EYS: variants seen among roughly 807,000 people sequenced by gnomAD.
EYS encodes EGF-like photoreceptor maintenance factor.
EYS carries 250 observed loss-of-function variants against 282.1 expected under a neutral mutation model. That is an observed-to-expected ratio of 0.89 (90% CI 0.80 to 0.98). EYS has a LOEUF of 0.98. Ranked by LOEUF, EYS falls within the 50% of genes least tolerant of loss-of-function variation. The pLI is 0.00. For missense variants in EYS, 4,016 were observed against 3,709.0 expected, an observed-to-expected ratio of 1.08 and a Z score of -2.15; for synonymous variants, 1,355 against 1,282.9, an observed-to-expected ratio of 1.06 and a Z score of -1.20.
intron 1 of EYS, among the ~76,000 whole-genome samples, chr6:65,649,552 G>C (rs1767579806): frequency 6.6e-6 from 1 of 152,158 alleles, no homozygotes; most frequent in African/African-American, 2.4e-5. Context: ...TTTGATGCCA[G>C]AAACGAGGAT....
chr6:65,508,617 C>T (rs1766747487), intron 2 of EYS, among the ~76,000 whole-genome samples: 1 of 147,446 alleles, frequency 6.8e-6, no homozygotes, highest in South Asian at 2.1e-4. Context: ...GAGCCGAGAT[C>T]ACGCCACTGC....
At chr6:65,688,739 A>T (rs1769124677) in intron 1 of EYS, among the ~76,000 whole-genome samples, 1 of 152,176 alleles carries the variant, frequency 6.6e-6, no homozygotes, top group Admixed American at 6.5e-5. Flanking sequence ...TTCTCAAAAG[A>T]AGACATTTAA....
In EYS at chr6:65,495,155, C is replaced by T. The variant is rs768578089; in HGVS notation, c.256G>A (p.Asp86Asn). Residue 86 changes from aspartate (D) to asparagine (N), a missense_variant, in exon 4 of 43, where the codon GAT (aspartate) becomes AAT (asparagine). Physicochemically the swap from Asp to Asn is conservative, Grantham distance 23. Coordinates refer to ENST00000503581, the MANE Select transcript of EYS (RefSeq NM_001142800.2). ...GGTTCAGAAGAAATTACAAGGATAT[C>T]TCCTAATTGAATTTGCAAAGGGCAA... ...QICPLQIQLG[D>N]ILVISSEPSL... 6.2e-7 allele frequency: 1 copy of T among 1,614,000 alleles called. No homozygotes were observed.
intron 35 of EYS, among the ~76,000 whole-genome samples, chr6:63,919,895 A>G (rs1368745851): frequency 1.3e-5 from 2 of 152,238 alleles, no homozygotes; most frequent in South Asian, 2.1e-4. Flanking sequence ...CCCATGAAAC[A>G]TGTGGTTAAT....
Position 64,289,529 on chromosome 6 carries a change from G to A in EYS, c.6191+17441C>T, listed in dbSNP as rs568253984. ...CTTGAACGGTATTTCAGATTCTAAC[G>A]GAGGAAGACCAGGTATAGTGGTACA... On this transcript the variant is annotated intron_variant, in intron 30 of 42. Transcript: ENST00000503581. Among the ~76,000 whole-genome samples, 7 of 152,046 alleles carry A rather than the reference G, an allele frequency of 4.6e-5. No homozygotes were observed. The South Asian group carries it at 1.0e-3, about 23-fold the overall frequency.
At chr6:64,502,708 T>A (rs1186180205) in intron 26 of EYS, among the ~76,000 whole-genome samples, 1 of 152,140 alleles carries the variant, frequency 6.6e-6, no homozygotes, top group Non-Finnish European at 1.5e-5. Flanking sequence ...GTTTTTTTTT[T>A]AATCTTGTGC....
At chr6:64,961,179 T>C (rs895267672) in intron 14 of EYS, among the ~76,000 whole-genome samples, 1 of 152,088 alleles carries the variant, frequency 6.6e-6, no homozygotes, top group South Asian at 2.1e-4. Context: ...AGGAATGGGA[T>C]TGCAGGGTTG....
intron 2 of EYS, among the ~76,000 whole-genome samples, chr6:65,581,788 TA>T (rs201749485): frequency 2.6e-5 from 4 of 151,918 alleles, no homozygotes; most frequent in African/African-American, 9.7e-5. Flanking sequence ...TCTGTAAAAA[TA>T]AAAAAATTAG....
intron 26 of EYS, among the ~76,000 whole-genome samples, chr6:64,573,149 A>T (rs1765776350): frequency 6.6e-6 from 1 of 152,156 alleles, no homozygotes; most frequent in Non-Finnish European, 1.5e-5. Context: ...TCTTTGACAA[A>T]CCTGGCAAAA....
intron 37 of EYS, among the ~76,000 whole-genome samples, chr6:63,803,347 T>C (rs550120951): frequency 1.3e-5 from 2 of 152,230 alleles, no homozygotes; most frequent in South Asian, 4.1e-4. Context: ...TTATTTCCCT[T>C]CCTGCGCTAT....
At chr6:64,922,905 A>T (rs1219647705) in intron 15 of EYS, among the ~76,000 whole-genome samples, 1 of 152,124 alleles carries the variant, frequency 6.6e-6, no homozygotes, top group Non-Finnish European at 1.5e-5. Context: ...ACCTACTTTG[A>T]ATTCTTTATC....
chr6:65,154,969 G>C (rs578133770), intron 12 of EYS, among the ~76,000 whole-genome samples: 1 of 151,518 alleles, frequency 6.6e-6, no homozygotes, highest in African/African-American at 2.4e-5. Context: ...AATGCCATAA[G>C]TTAATTGACA....
Position 65,466,283 on chromosome 6 carries a change from T to G in EYS, c.862+24311A>C, listed in dbSNP as rs1021344684. 2.9e-4 allele frequency among the ~76,000 whole-genome samples: 44 copies of G among 152,182 alleles called. 1 individual carries two copies. The highest frequency in any genetic ancestry group is 1.0e-3 in the African/African-American group (42 of 41,552). ...TTGAAGAATTTTGTATATACTGTTT[T>G]TATTAAGGGATTCAGTTAAAGAGAT... On this transcript the variant is annotated intron_variant, in intron 5 of 42. Coordinates refer to ENST00000503581, the MANE Select transcript of EYS (RefSeq NM_001142800.2).
At chr6:65,219,543 A>C (rs1044030390) in intron 12 of EYS, among the ~76,000 whole-genome samples, 6 of 152,032 alleles carry the variant, frequency 3.9e-5, no homozygotes, top group African/African-American at 7.3e-5. Flanking sequence ...AGTATTAAGA[A>C]ATATACCATG....
intron 19 of EYS, among the ~76,000 whole-genome samples, chr6:64,842,214 C>A (rs1765583061): frequency 6.6e-6 from 1 of 151,334 alleles, no homozygotes; most frequent in Non-Finnish European, 1.5e-5. Context: ...AGGTCTGGAA[C>A]AACTTTTCCT....
intron 35 of EYS, among the ~76,000 whole-genome samples, chr6:63,940,359 C>T (rs1379009094): frequency 6.6e-6 from 1 of 152,026 alleles, no homozygotes; most frequent in African/African-American, 2.4e-5. Flanking sequence ...GTTGCTGCAG[C>T]TAGGCCAGCG....
intron 22 of EYS, among the ~76,000 whole-genome samples, chr6:64,640,805 G>T (rs1026901490): frequency 6.6e-6 from 1 of 152,024 alleles, no homozygotes; most frequent in Non-Finnish European, 1.5e-5. Context: ...AACAAAAATA[G>T]CTTTGTATTC....
At chr6:63,733,829 G>C (rs758421177) in intron 41 of EYS, among the ~76,000 whole-genome samples, 28 of 152,074 alleles carry the variant, frequency 1.8e-4, no homozygotes, top group Non-Finnish European at 3.7e-4. Context: ...CTTGCTTTTT[G>C]CTCCAAATGA....
intron 5 of EYS, among the ~76,000 whole-genome samples, chr6:65,417,522 C>T (rs1256482392): frequency 6.6e-6 from 1 of 151,940 alleles, no homozygotes; most frequent in East Asian, 1.9e-4. Flanking sequence ...TTGTATGGAT[C>T]TGCAATTTTT....
Sources: allele counts gnomAD v4.1 joint callset (sites outside exome capture counted in the v4.1 genomes callset), GRCh38; gene constraint gnomAD v4.1.1; transcripts MANE v1.5; gene names NCBI Gene and HGNC (gene_info 2026-07-23, HGNC 2026-07-21).